Variants in CAMTA1 observed in about 807,000 individuals in gnomAD.
CAMTA1 encodes calmodulin-binding transcription activator 1.
Under a neutral mutation model 170.9 loss-of-function variants are expected in CAMTA1, and 27 were observed. That is an observed-to-expected ratio of 0.16 (90% CI 0.12 to 0.22). The LOEUF (loss-of-function observed/expected upper bound fraction) is 0.22, where lower values mean the gene tolerates loss of function less well. CAMTA1 is among the 10% of genes least tolerant of loss of function. The probability of loss-of-function intolerance (pLI) is 1.00; values close to 1 mark genes in which losing one functional copy is unlikely to be tolerated. For synonymous variants in CAMTA1, 833 were observed against 891.5 expected (o/e 0.93, Z 1.17); for missense variants, 1,619 against 2,217.2 (o/e 0.73, Z 5.42).
At chr1:7,276,167 T>C (rs942990658) in intron 5 of CAMTA1, among the ~76,000 whole-genome samples, 3 of 143,780 alleles carry the variant, frequency 2.1e-5, no homozygotes, top group Non-Finnish European at 4.5e-5. Flanking sequence ...AAGAAAAAGA[T>C]ATAATTCCAT....
intron 3 of CAMTA1, among the ~76,000 whole-genome samples, chr1:6,922,065 C>G (rs1255275960): frequency 6.6e-6 from 1 of 152,170 alleles, no homozygotes; most frequent in Non-Finnish European, 1.5e-5. Context: ...ATAAGAAGGC[C>G]ATCATTTCAA....
intron 5 of CAMTA1, among the ~76,000 whole-genome samples, chr1:7,363,374 C>G (rs1217802436): frequency 6.6e-6 from 1 of 151,768 alleles, no homozygotes; most frequent in Non-Finnish European, 1.5e-5. Flanking sequence ...TTATCATCTT[C>G]CCGTTGCAGG....
At chr1:6,989,962 A>G (rs1696081564) in intron 3 of CAMTA1, among the ~76,000 whole-genome samples, 1 of 152,208 alleles carries the variant, frequency 6.6e-6, no homozygotes, top group Admixed American at 6.5e-5. Context: ...TGACCTCTGC[A>G]TTCCAGGCAA....
chr1:6,835,196 C>G (rs1652451454), intron 3 of CAMTA1, among the ~76,000 whole-genome samples: 1 of 152,188 alleles, frequency 6.6e-6, no homozygotes, highest in Non-Finnish European at 1.5e-5. Context: ...TTTCCTGAAA[C>G]TGCTTTTAAG....
chr1:7,595,985 C>T (rs1401580750), intron 6 of CAMTA1, among the ~76,000 whole-genome samples: 1 of 152,214 alleles, frequency 6.6e-6, no homozygotes, highest in African/African-American at 2.4e-5. Flanking sequence ...TCAGCCTCTG[C>T]CTCCTCTTGG....
At chr1:7,122,961 G>T (rs1220599945) in intron 4 of CAMTA1, among the ~76,000 whole-genome samples, 1 of 152,180 alleles carries the variant, frequency 6.6e-6, no homozygotes, top group Non-Finnish European at 1.5e-5. Flanking sequence ...GTCTGCCCAT[G>T]TCACATTCCT....
At chr1:7,105,792 A>G (rs1643516411) in intron 4 of CAMTA1, among the ~76,000 whole-genome samples, 1 of 151,876 alleles carries the variant, frequency 6.6e-6, no homozygotes, top group Admixed American at 6.6e-5. Flanking sequence ...AAAATACAAA[A>G]ATTAGCTGGG....
intron 5 of CAMTA1, among the ~76,000 whole-genome samples, chr1:7,447,149 A>G (rs1431711389): frequency 6.6e-6 from 1 of 152,000 alleles, no homozygotes; most frequent in African/African-American, 2.4e-5. Flanking sequence ...GACACTTCCT[A>G]TGCCCCCAGG....
At chr1:6,800,829 A>G (rs773749926) in intron 1 of CAMTA1, among the ~76,000 whole-genome samples, 1 of 152,172 alleles carries the variant, frequency 6.6e-6, no homozygotes, top group Non-Finnish European at 1.5e-5. Context: ...GGCCGTGAAC[A>G]TAATTTATTT....
In CAMTA1 at chr1:7,585,138, G is replaced by A. The variant is rs949967397; in HGVS notation, c.511-55262G>A. Among the ~76,000 whole-genome samples the A allele has an allele frequency of 2.0e-5, 3 of 152,174 alleles. No homozygotes were observed. The highest frequency in any genetic ancestry group is 2.9e-5 in the Non-Finnish European group (2 of 68,024). Reference sequence around the variant, plus strand: ...GTAGCCTCACATCAGTTCAGGTCACGTTTTGCCACCAAATGAGTTATGAAC... The same window carrying A: ...GTAGCCTCACATCAGTTCAGGTCACATTTTGCCACCAAATGAGTTATGAAC... On this transcript the variant is annotated intron_variant, in intron 6 of 22. Coordinates refer to ENST00000303635, the MANE Select transcript of CAMTA1 (RefSeq NM_015215.4). The surrounding 1 kb of genome is among the most constrained non-coding windows in gnomAD (Gnocchi z 4.8).
chr1:7,243,445 T>C (rs2412149), intron 4 of CAMTA1, among the ~76,000 whole-genome samples: 104,749 of 152,120 alleles, frequency 0.69, 37,182 homozygotes, highest in African/African-American at 0.87. Flanking sequence ...TTTCTACATA[T>C]GGCTAGCCAG....
chr1:7,437,691 TCA>T (rs1289956793), intron 5 of CAMTA1, among the ~76,000 whole-genome samples: 1 of 152,182 alleles, frequency 6.6e-6, no homozygotes, highest in East Asian at 1.9e-4. Context: ...CTGGGAAACC[TCA>T]GATTCTGGGT....
At position 7,691,366 on chromosome 1, in the gene CAMTA1, C is replaced by T. The variant is rs559471453; in HGVS notation, c.2914+13633C>T. 4.6e-5 allele frequency among the ~76,000 whole-genome samples: 7 copies of T among 152,292 alleles called. No homozygotes were observed. In the South Asian group the frequency reaches 1.5e-3, roughly 32 times the overall value. On this transcript the variant is annotated intron_variant, in intron 11 of 22. Transcript: ENST00000303635. Reference sequence around the variant, plus strand: ...CAGGGCTGTGTGTGCCAGGCTTTATCCCCAAGGAGAGGAAAGCCACTGAGG... The same window carrying T: ...CAGGGCTGTGTGTGCCAGGCTTTATTCCCAAGGAGAGGAAAGCCACTGAGG...
rs986772338 is a variant in CAMTA1, at chr1:7,455,013, C to G, written c.439-12817C>G. 6.6e-6 allele frequency among the ~76,000 whole-genome samples: 1 copy of G among 152,150 alleles called. No homozygotes were observed. The highest frequency in any genetic ancestry group is 2.4e-5 in the African/African-American group (1 of 41,444). Reference sequence around the variant, plus strand: ...TGAGTGATTCAGCTGGGGTTCATCCCCCTGCTCCGTGCCAGAGCCTCGGAG... The same window carrying G: ...TGAGTGATTCAGCTGGGGTTCATCCGCCTGCTCCGTGCCAGAGCCTCGGAG... On this transcript the variant is annotated intron_variant, in intron 5 of 22. Coordinates refer to ENST00000303635, the MANE Select transcript of CAMTA1 (RefSeq NM_015215.4). The surrounding 1 kb of genome is among the most constrained non-coding windows in gnomAD (Gnocchi z 5.0).
chr1:7,146,141 T>A lies in CAMTA1; in HGVS notation c.302+54770T>A, dbSNP rs2148650297. Among the ~76,000 whole-genome samples the A allele has an allele frequency of 6.6e-6, 1 of 152,294 alleles. No homozygotes were observed. The highest frequency in any genetic ancestry group is 1.9e-4 in the East Asian group (1 of 5,176). ...CCGGGCCGAGGATCTCCCCTGGGGA[T>A]GGGCAGTCATGGTGCTTCCCCGCCC... On this transcript the variant is annotated intron_variant, in intron 4 of 22. Transcript: ENST00000303635. This position sits in a 1 kb window ranked among gnomAD's most constrained non-coding sequence, Gnocchi z 4.3.
chr1:6,994,141 G>A (rs1696817160), intron 3 of CAMTA1, among the ~76,000 whole-genome samples: 1 of 151,978 alleles, frequency 6.6e-6, no homozygotes, highest in African/African-American at 2.4e-5. Flanking sequence ...CTTGTTATAT[G>A]TATTATATCT....
chr1:7,535,062 G>A (rs559484272), intron 6 of CAMTA1, among the ~76,000 whole-genome samples: 16 of 152,226 alleles, frequency 1.1e-4, no homozygotes, highest in Non-Finnish European at 1.8e-4. Flanking sequence ...GACACCACAG[G>A]CCGCCCGCCC....
chr1:6,956,631 G>A (rs1444935632), intron 3 of CAMTA1, among the ~76,000 whole-genome samples: 4 of 152,090 alleles, frequency 2.6e-5, no homozygotes, highest in Non-Finnish European at 4.4e-5. Context: ...CCTGTGTGGC[G>A]GTGTTGTGTA....
chr1:7,704,274 G>A (rs1430000146), intron 11 of CAMTA1, among the ~76,000 whole-genome samples: 1 of 145,964 alleles, frequency 6.9e-6, no homozygotes, highest in African/African-American at 2.5e-5. Flanking sequence ...CAGGGCGGGC[G>A]CGGGGCGGCC....
Sources: allele counts gnomAD v4.1 joint callset (sites outside exome capture counted in the v4.1 genomes callset), GRCh38; gene constraint gnomAD v4.1.1; non-coding constraint Gnocchi (gnomAD v3.1); transcripts MANE v1.5; gene names NCBI Gene and HGNC (gene_info 2026-07-23, HGNC 2026-07-21).